ALPK1: variants seen among roughly 807,000 people sequenced by gnomAD.
The protein encoded by ALPK1 is alpha-protein kinase 1.
In ALPK1, 110 loss-of-function variants were observed where a neutral mutation model predicts 120.6. That is an observed-to-expected ratio of 0.91 (90% CI 0.78 to 1.07). The LOEUF is 1.07. ALPK1 is among the 50% of genes least tolerant of loss of function. The pLI is 0.00. For missense variants in ALPK1, 1,498 were observed against 1,483.9 expected, an observed-to-expected ratio of 1.01 and a Z score of -0.16; for synonymous variants, 582 against 560.3, an observed-to-expected ratio of 1.04 and a Z score of -0.55.
At chr4:112,388,421 A>T (rs1277805943) in intron 4 of ALPK1, among the ~76,000 whole-genome samples, 1 of 152,244 alleles carries the variant, frequency 6.6e-6, no homozygotes, top group African/African-American at 2.4e-5. Flanking sequence ...TGGAAACAAT[A>T]AAATTCCCTC....
Position 112,382,526 on chromosome 4 carries a change from A to G in ALPK1, c.250A>G (p.Ile84Val). 6.2e-7 allele frequency: 1 copy of G among 1,614,128 alleles called. No individual in the cohort carries two copies. The highest frequency in any genetic ancestry group is 1.7e-5 in the Admixed American group (1 of 60,030). Residue 84 changes from isoleucine to valine, a missense_variant, in exon 4 of 16, where the codon ATT becomes GTT. By Grantham distance (29) the Ile-to-Val change is conservative. Transcript: ENST00000650871. ...GGACAAAACAAACCTGAAGGATGTGATTGGCGCCGGGTTGCAGCAGTTACT... is the reference window on the plus strand; with the variant it reads ...GGACAAAACAAACCTGAAGGATGTGGTTGGCGCCGGGTTGCAGCAGTTACT... ...PEDKTNLKDV[I>V]GAGLQQLLAS...
rs533959085 is a variant in ALPK1 at position 112,389,424 on chromosome 4, T to A, written c.276+6872T>A. ...GGCCTGATTGCTCCTACTCTTGCCCTGACTAATTCAGGAACCTCTGGATCT... is the reference window on the plus strand; with the variant it reads ...GGCCTGATTGCTCCTACTCTTGCCCAGACTAATTCAGGAACCTCTGGATCT... On this transcript the variant is annotated intron_variant, in intron 4 of 15. Transcript: ENST00000650871. Among the ~76,000 whole-genome samples the A allele has an allele frequency of 3.9e-5, 6 of 152,330 alleles. No individual in the cohort carries two copies. In the East Asian group the frequency reaches 1.2e-3, roughly 29 times the overall value.
At position 112,438,582 on chromosome 4, in the gene ALPK1, A is replaced by G; in HGVS notation, c.3287A>G (p.Asn1096Ser). ...MTAQHYVTEF[N>S]KRLYEQNIPT... Reference sequence around the variant, plus strand: ...GCACAGCACTATGTGACAGAATTTAACAAGAGACTCTATGAACAAAACATT... The same window carrying G: ...GCACAGCACTATGTGACAGAATTTAGCAAGAGACTCTATGAACAAAACATT... Residue 1096 changes from asparagine (N) to serine (S), a missense_variant, in exon 13 of 16, where the codon AAC becomes AGC. Coordinates refer to ENST00000650871, the MANE Select transcript of ALPK1 (RefSeq NM_025144.4). 6.2e-7 allele frequency: 1 copy of G among 1,613,958 alleles called. No individual in the cohort carries two copies. Among genetic ancestry groups the G allele is most frequent in the Non-Finnish European group, 8.5e-7 (1 of 1,179,854 alleles).
At chr4:112,328,718 G>A (rs751305931) in intron 2 of ALPK1, among the ~76,000 whole-genome samples, 2 of 152,194 alleles carry the variant, frequency 1.3e-5, no homozygotes, top group Non-Finnish European at 2.9e-5. Flanking sequence ...TGGAGGACTA[G>A]TTTTACTGTC....
Position 112,430,644 on chromosome 4 carries a change from G to C in ALPK1, c.1097G>C (p.Arg366Thr). 6.2e-7 allele frequency: 1 copy of C among 1,614,188 alleles called. No homozygotes were observed. The highest frequency in any genetic ancestry group is 8.5e-7 in the Non-Finnish European group (1 of 1,180,030). The change falls in exon 11 of 16, where the codon AGA (arginine) becomes ACA (threonine). Residue 366 changes from arginine (R) to threonine (T), a missense_variant. Coordinates refer to ENST00000650871, the MANE Select transcript of ALPK1 (RefSeq NM_025144.4). ...GCTTTCGGTCTCACCACAGTGCACA[G>C]AAGGCTCCATGGGGAGACAGGGACG... ...KAAFGLTTVH[R>T]RLHGETGTVH... is the part of the protein sequence containing the mutation.
At chr4:112,322,885 T>C (rs1728920463) in intron 2 of ALPK1, among the ~76,000 whole-genome samples, 1 of 152,210 alleles carries the variant, frequency 6.6e-6, no homozygotes, top group Non-Finnish European at 1.5e-5. Context: ...TAAAGAGTAT[T>C]TGAGTAGCTG....
intron 2 of ALPK1, chr4:112,359,591 C>T (rs1009475): frequency 0.72 from 171,765 of 240,004 alleles, 62,112 homozygotes; most frequent in Middle Eastern, 0.82. Flanking sequence ...AACCAGACCG[C>T]TCATGGTGCA....
rs1343446464 is a variant in ALPK1, at chr4:112,427,118, GC to G, written c.700-450del. ...CAGACTGATATGAGCTCTTCCTTGG[GC>G]CAGTTATTCAGGCCTAGCAGTAGGG... On this transcript the variant is annotated intron_variant, in intron 8 of 15. Coordinates refer to ENST00000650871, the MANE Select transcript of ALPK1 (RefSeq NM_025144.4). 3.9e-5 allele frequency among the ~76,000 whole-genome samples: 6 copies of G among 152,248 alleles called. No individual in the cohort carries two copies. The East Asian group carries it at 1.2e-3, about 29-fold the overall frequency.
intron 2 of ALPK1, among the ~76,000 whole-genome samples, chr4:112,335,117 G>A (rs953087709): frequency 5.9e-5 from 9 of 152,174 alleles, no homozygotes; most frequent in African/African-American, 7.2e-5. Flanking sequence ...CTAGCCAGGC[G>A]TGGTGGCACA....
intron 2 of ALPK1, chr4:112,357,882 GT>G: frequency 8.7e-7 from 1 of 1,153,718 alleles, no homozygotes; most frequent in East Asian, 2.4e-5. Flanking sequence ...TGAGGCCGCT[GT>G]TTGTGGAGCC....
At chr4:112,312,552 G>A (rs1488077702) in intron 1 of ALPK1, among the ~76,000 whole-genome samples, 3 of 152,188 alleles carry the variant, frequency 2.0e-5, no homozygotes, top group Admixed American at 6.5e-5. Flanking sequence ...GATTACAGGC[G>A]TGAGCCTCCG....
chr4:112,416,055 C>A (rs1313157086), intron 5 of ALPK1, among the ~76,000 whole-genome samples: 3 of 152,146 alleles, frequency 2.0e-5, no homozygotes, highest in Non-Finnish European at 4.4e-5. Context: ...TCGATTCAGG[C>A]TAGCAACAAA....
chr4:112,368,137 C>T (rs28435797), intron 2 of ALPK1, among the ~76,000 whole-genome samples: 54,996 of 152,038 alleles, frequency 0.36, 10,240 homozygotes, highest in East Asian at 0.61. Context: ...AGGCTGCTCT[C>T]GAACTCCTGA....
At chr4:112,430,296 G>A (rs567139313) in intron 10 of ALPK1, 152 bp from the exon 11 acceptor site, 9 of 776,230 alleles carry the variant, frequency 1.2e-5, no homozygotes, top group South Asian at 6.6e-5. Flanking sequence ...TTAACTCAAT[G>A]TTTGCCTGTA....
At chr4:112,414,380 G>T (rs1398596879) in intron 5 of ALPK1, 1 of 449,048 alleles carries the variant, frequency 2.2e-6, no homozygotes, top group Non-Finnish European at 4.5e-6. Context: ...GCCGAAGCGG[G>T]TGGATCACCT....
chr4:112,432,627 G>T, intron 11 of ALPK1, 46 bp downstream of exon 11: 2 of 1,554,818 alleles, frequency 1.3e-6, no homozygotes, highest in Admixed American at 1.8e-5. Flanking sequence ...AAGCAGCTGT[G>T]TTGGGGCACT....
chr4:112,319,130 G>A (rs1482646255), intron 2 of ALPK1, among the ~76,000 whole-genome samples: 1 of 152,214 alleles, frequency 6.6e-6, no homozygotes, highest in Non-Finnish European at 1.5e-5. Flanking sequence ...GACCAGCCTG[G>A]AGGCTAGTGG....
chr4:112,315,708 A>G (rs1485354354), intron 1 of ALPK1, 93 bp from the exon 2 acceptor site: 1 of 152,254 alleles, frequency 6.6e-6, no homozygotes, highest in Non-Finnish European at 1.5e-5. Flanking sequence ...AATAGCAAGC[A>G]TGCAACAATG....
intron 6 of ALPK1, 154 bp from the exon 7 acceptor site, chr4:112,425,511 T>A: frequency 1.7e-6 from 1 of 590,352 alleles, no homozygotes. Context: ...AGCCTTAGAC[T>A]ACAGCAAGAA....
Sources: allele counts gnomAD v4.1 joint callset (sites outside exome capture counted in the v4.1 genomes callset), GRCh38; gene constraint gnomAD v4.1.1; transcripts MANE v1.5; gene names NCBI Gene and HGNC (gene_info 2026-07-23, HGNC 2026-07-21).